The following NAV1 variants were observed in gnomAD, a reference collection of about 807,000 sequenced individuals.
The protein encoded by NAV1 is neuron navigator 1, also known as pore membrane and/or filament interacting like protein 3.
In NAV1, 18 loss-of-function variants were observed where a neutral mutation model predicts 175.2. That is an observed-to-expected ratio of 0.10 (90% confidence interval 0.07 to 0.15). The LOEUF is 0.15. Among genes scored for constraint, NAV1 ranks in the 10% least tolerant of loss-of-function variants. NAV1 has a pLI of 1.00. For synonymous variants in NAV1, 897 were observed against 978.7 expected (o/e 0.92, Z 1.56); for missense variants, 1,731 against 2,436.6 (o/e 0.71, Z 6.10).
intron 1 of NAV1, among the ~76,000 whole-genome samples, chr1:201,555,918 C>T (rs528790845): frequency 1.9e-3 from 283 of 151,996 alleles, no homozygotes; most frequent in Non-Finnish European, 2.1e-3. Context: ...TACTTGAGGT[C>T]GGCCTATCTG....
chr1:201,601,208 G>A (rs893335855), intron 2 of NAV1, among the ~76,000 whole-genome samples: 10 of 152,248 alleles, frequency 6.6e-5, no homozygotes, highest in Non-Finnish European at 1.2e-4. Context: ...CTGGCTGGGT[G>A]TAGTGGCTCA....
chr1:201,652,879 T>C (rs1669258654), intron 1 of NAV1, among the ~76,000 whole-genome samples: 1 of 152,208 alleles, frequency 6.6e-6, no homozygotes, highest in Non-Finnish European at 1.5e-5. Flanking sequence ...CAAAAATGCA[T>C]TGAATACACC....
chr1:201,724,129 A>G (rs150591396), intron 3 of NAV1: 3 of 152,308 alleles, frequency 2.0e-5, no homozygotes, highest in African/African-American at 7.2e-5. Flanking sequence ...CGCCAGGGTA[A>G]TATCCAAATC....
chr1:201,648,789 GGCA>G, exon 1 of NAV1: 3 of 1,510,742 alleles, frequency 2.0e-6, no homozygotes, highest in Non-Finnish European at 2.6e-6. Flanking sequence ...GGACGGCAGA[GGCA>G]TGCTGCCCAA....
chr1:201,642,557 T>TTTCTTCCCTTTC (rs1571858664), intron 2 of NAV1, among the ~76,000 whole-genome samples: 1 of 106,018 alleles, frequency 9.4e-6, no homozygotes, highest in Non-Finnish European at 1.9e-5. Context: ...TTCTTTCTTT[T>TTTCTTCCCTTTC]TTCCCTTTCT....
At chr1:201,761,998 TA>T (rs796720228) in intron 3 of NAV1, among the ~76,000 whole-genome samples, 1,579 of 146,622 alleles carry the variant, frequency 0.011, 32 homozygotes, top group African/African-American at 0.035. Context: ...ACAAAAAAAT[TA>T]AAAAAAAAAA....
intron 2 of NAV1, among the ~76,000 whole-genome samples, chr1:201,606,806 C>A (rs910768300): frequency 6.6e-6 from 1 of 152,206 alleles, no homozygotes; most frequent in African/African-American, 2.4e-5. Context: ...CACTGCTGAG[C>A]AAGGCCATTT....
intron 3 of NAV1, among the ~76,000 whole-genome samples, chr1:201,746,028 G>T (rs994163276): frequency 6.6e-6 from 1 of 151,334 alleles, no homozygotes; most frequent in Non-Finnish European, 1.5e-5. Context: ...GGGTTTTGCC[G>T]TGTTGTCCAG....
chr1:201,752,134 G>C (rs1674150317), intron 3 of NAV1, among the ~76,000 whole-genome samples: 5 of 152,156 alleles, frequency 3.3e-5, no homozygotes. Context: ...ATTTCACCAA[G>C]AGTAAGCAGT....
chr1:201,705,607 C>T (rs1038575808), intron 1 of NAV1, among the ~76,000 whole-genome samples: 3 of 152,156 alleles, frequency 2.0e-5, no homozygotes, highest in South Asian at 2.1e-4. Context: ...ACAACTGCCT[C>T]TGACAATATT....
chr1:201,739,759 C>T (rs1255696044), intron 3 of NAV1: 1 of 1,200,406 alleles, frequency 8.3e-7, no homozygotes, highest in Non-Finnish European at 1.0e-6. Context: ...GTTAAAGAGC[C>T]CGCTCGCAGC....
intron 1 of NAV1, among the ~76,000 whole-genome samples, chr1:201,662,522 G>A (rs1013915658): frequency 2.6e-5 from 4 of 152,194 alleles, no homozygotes; most frequent in East Asian, 1.9e-4. Context: ...GGAGTCATGC[G>A]TGTGAGGGTT....
rs1381101104 is a variant in NAV1, at chr1:201,813,767, G to A, written c.5340+509G>A. Among the ~76,000 whole-genome samples the A allele has an allele frequency of 6.6e-6, 1 of 152,090 alleles. No individual in the cohort carries two copies. The highest frequency in any genetic ancestry group is 2.4e-5 in the African/African-American group (1 of 41,416). ...TATGTGAAAAGATTTTTAAAAGTTA[G>A]AATAAGGAGACCGGGCGTGGTGGGT... On this transcript the variant is annotated intron_variant, in intron 28 of 29. Coordinates refer to ENST00000367296, the Ensembl canonical transcript of NAV1. The surrounding 1 kb of genome is among the most constrained non-coding windows in gnomAD (Gnocchi z 4.2).
chr1:201,786,098 T>C (rs1676728185), intron 8 of NAV1, among the ~76,000 whole-genome samples: 2 of 152,098 alleles, frequency 1.3e-5, no homozygotes, highest in South Asian at 4.1e-4. Context: ...TGACCGACTC[T>C]TGCAACTTGA....
At chr1:201,761,357 A>AG (rs1237245879) in intron 3 of NAV1, among the ~76,000 whole-genome samples, 1 of 152,196 alleles carries the variant, frequency 6.6e-6, no homozygotes, top group South Asian at 2.1e-4. Context: ...GCGAAGAGAG[A>AG]GTAGCTCAGT....
rs754679530 is a variant in NAV1, at chr1:201,794,591, C to CCA, written c.3517+17_3517+18dup. 60 of 1,601,692 alleles carry CCA rather than the reference C, an allele frequency of 3.7e-5. No homozygotes were observed. Among genetic ancestry groups the CCA allele is most frequent in the Non-Finnish European group, 5.0e-5 (58 of 1,168,816 alleles). On this transcript the variant is annotated intron_variant, in intron 15 of 29. Coordinates refer to ENST00000367296, the Ensembl canonical transcript of NAV1. Reference sequence around the variant, plus strand: ...CCACACCCAAAGGTAGGACATCCAGCCACAGATTGAGAGGGAACAGGGAGC... The same window carrying CCA: ...CCACACCCAAAGGTAGGACATCCAGCCACACAGATTGAGAGGGAACAGGGAGC...
At chr1:201,611,704 C>T (rs1667850298) in intron 2 of NAV1, among the ~76,000 whole-genome samples, 1 of 152,160 alleles carries the variant, frequency 6.6e-6, no homozygotes, top group African/African-American at 2.4e-5. Context: ...GTTGTGTGCC[C>T]AAGGTACGGG....
chr1:201,594,528 C>T (rs1245787277), intron 2 of NAV1, among the ~76,000 whole-genome samples: 2 of 152,228 alleles, frequency 1.3e-5, no homozygotes, highest in Non-Finnish European at 2.9e-5. Flanking sequence ...GCTCCCCATG[C>T]AGGCCCCATA....
chr1:201,743,277 G>A (rs1473462148), intron 3 of NAV1, among the ~76,000 whole-genome samples: 1 of 152,226 alleles, frequency 6.6e-6, no homozygotes, highest in Non-Finnish European at 1.5e-5. Context: ...TGCAGAAGTT[G>A]AGAGTAATTG....
Sources: gnomAD v4.1 joint callset for allele counts (sites outside exome capture counted in the v4.1 genomes callset) on GRCh38, gnomAD v4.1.1 for gene constraint, Gnocchi (gnomAD v3.1) non-coding constraint, MANE v1.5 for transcripts, NCBI Gene and HGNC (gene_info 2026-07-23, HGNC 2026-07-21) for gene names.